LHPP: variants seen among roughly 807,000 people sequenced by gnomAD.
LHPP encodes the protein phospholysine phosphohistidine inorganic pyrophosphate phosphatase.
LHPP carries 24 observed loss-of-function variants against 30.3 expected under a neutral mutation model. The observed-to-expected ratio is 0.79, with a 90% CI of 0.57 to 1.11. The LOEUF (loss-of-function observed/expected upper bound fraction) is 1.11. LHPP is among the 50% of genes most tolerant of loss of function. The pLI is 0.00. For missense variants in LHPP, 356 were observed against 367.2 expected (o/e 0.97, Z 0.25); for synonymous variants, 150 against 157.1 (o/e 0.95, Z 0.34).
chr10:124,502,227 A>G (rs370239919), intron 5 of LHPP, among the ~76,000 whole-genome samples: 1 of 151,998 alleles, frequency 6.6e-6, no homozygotes, highest in East Asian at 1.9e-4. Flanking sequence ...ACCACCAGTC[A>G]TCCCACTCAT....
chr10:124,529,118 G>A (rs960957270), intron 6 of LHPP, among the ~76,000 whole-genome samples: 26 of 135,208 alleles, frequency 1.9e-4, no homozygotes, highest in African/African-American at 5.6e-4. Context: ...TGTAAGCTCC[G>A]CCTCCCGGGT....
At chr10:124,508,496 G>A (rs559465351) in intron 5 of LHPP, among the ~76,000 whole-genome samples, 15 of 152,234 alleles carry the variant, frequency 9.9e-5, no homozygotes, top group African/African-American at 3.6e-4. Flanking sequence ...AGGAGCTTCC[G>A]GCCCTGGCTT....
At chr10:124,557,334 C>T (rs767525471) in intron 6 of LHPP, among the ~76,000 whole-genome samples, 2 of 152,216 alleles carry the variant, frequency 1.3e-5, no homozygotes, top group Admixed American at 6.5e-5. Context: ...AGCTGGGCCT[C>T]GCCAGGGCCT....
At chr10:124,530,346 G>A (rs1954863563) in intron 6 of LHPP, among the ~76,000 whole-genome samples, 1 of 152,128 alleles carries the variant, frequency 6.6e-6, no homozygotes, top group African/African-American at 2.4e-5. Context: ...GGCCGGGCCT[G>A]CTGGAGCCAG....
At chr10:124,567,976 G>A (rs946143049) in intron 6 of LHPP, among the ~76,000 whole-genome samples, 1 of 152,176 alleles carries the variant, frequency 6.6e-6, no homozygotes, top group Non-Finnish European at 1.5e-5. Context: ...GCAGTGGCGC[G>A]ATCTCGGCTC....
Position 124,541,599 on chromosome 10 carries a change from C to T in LHPP, c.716+24328C>T, listed in dbSNP as rs1955191942. 6.6e-6 allele frequency among the ~76,000 whole-genome samples: 1 copy of T among 152,118 alleles called. No homozygotes were observed. The highest frequency in any genetic ancestry group is 6.5e-5 in the Admixed American group (1 of 15,274). ...CCTGTCTGCAGGACCCCCGCGTGAG[C>T]CTGGGACCACCCGTGGGGACAGTGT... On this transcript the variant is annotated intron_variant, in intron 6 of 6. Transcript: ENST00000368842. This position sits in a 1 kb window ranked among gnomAD's most constrained non-coding sequence, Gnocchi z 4.2.
At chr10:124,544,469 C>T (rs1242206140) in intron 6 of LHPP, among the ~76,000 whole-genome samples, 1 of 152,232 alleles carries the variant, frequency 6.6e-6, no homozygotes, top group Non-Finnish European at 1.5e-5. Context: ...CCACTCCCAA[C>T]AAGTATGGGG....
chr10:124,464,547 CT>C (rs1452748873), intron 1 of LHPP, among the ~76,000 whole-genome samples: 1 of 152,140 alleles, frequency 6.6e-6, no homozygotes, highest in African/African-American at 2.4e-5. Flanking sequence ...TGGGTCTGCT[CT>C]CAGTGTTGGC....
At chr10:124,502,110 T>C (rs183140737) in intron 5 of LHPP, among the ~76,000 whole-genome samples, 2 of 152,088 alleles carry the variant, frequency 1.3e-5, no homozygotes, top group Non-Finnish European at 2.9e-5. Flanking sequence ...GTACAAAATG[T>C]TCACGTGTAC....
rs1955179629 is a variant in LHPP, at chr10:124,541,235, T to A, written c.716+23964T>A. ...GGCCGCTGCCCCTGCACACTGTGCT[T>A]GGGGGACACAGCCGACACGACCAGC... On this transcript the variant is annotated intron_variant, in intron 6 of 6. Coordinates refer to ENST00000368842, the MANE Select transcript of LHPP (RefSeq NM_022126.4). The surrounding 1 kb of genome is among the most constrained non-coding windows in gnomAD (Gnocchi z 4.2). Among the ~76,000 whole-genome samples, 1 of 152,106 alleles carries A rather than the reference T, an allele frequency of 6.6e-6. No individual in the cohort carries two copies. The highest frequency in any genetic ancestry group is 1.5e-5 in the Non-Finnish European group (1 of 68,018).
chr10:124,585,097 G>T (rs1320413273), intron 6 of LHPP, among the ~76,000 whole-genome samples: 1 of 152,132 alleles, frequency 6.6e-6, no homozygotes, highest in African/African-American at 2.4e-5. Flanking sequence ...TATATAGAGA[G>T]AAATTTGAAA....
intron 1 of LHPP, among the ~76,000 whole-genome samples, chr10:124,475,737 G>C (rs567871048): frequency 1.3e-5 from 2 of 150,918 alleles, no homozygotes; most frequent in South Asian, 4.3e-4. Flanking sequence ...CCTGGCCTTT[G>C]TCCCCTGCAG....
At position 124,565,385 on chromosome 10, in the gene LHPP, G is replaced by A. The variant is rs564285907; in HGVS notation, c.717-47879G>A. On this transcript the variant is annotated intron_variant, in intron 6 of 6. Coordinates refer to ENST00000368842, the MANE Select transcript of LHPP (RefSeq NM_022126.4). ...ACAGACAGGTGTCTTCAGGCTCTCC[G>A]TGCAGGCCATAGTCCCCAAGAATTC... Among the ~76,000 whole-genome samples, 24 of 152,294 alleles carry A rather than the reference G, an allele frequency of 1.6e-4. No individual in the cohort carries two copies. The East Asian group carries it at 2.5e-3, about 16-fold the overall frequency.
At chr10:124,566,221 T>C (rs1948488856) in intron 6 of LHPP, among the ~76,000 whole-genome samples, 1 of 152,236 alleles carries the variant, frequency 6.6e-6, no homozygotes, top group Non-Finnish European at 1.5e-5. Context: ...TTATGGGCTC[T>C]CCAGATTCTT....
Position 124,517,257 on chromosome 10 carries a change from C to T in LHPP, c.702C>T (p.Arg234=), listed in dbSNP as rs1954484439. The T allele has an allele frequency of 6.3e-7, 1 of 1,598,256 alleles. No individual in the cohort carries two copies. Among genetic ancestry groups the T allele is most frequent in the African/African-American group, 1.3e-5 (1 of 74,472 alleles). ...QRCGMRALQV[R]TGKFRPSDEH... The stretch of plus-strand genomic sequence containing the variant: ...GTGGAATGAGAGCGCTGCAGGTGCG[C>T]ACCGGGAAGTTCAGGTCAGTGCCAG... The change falls in exon 6 of 7, where the codon CGC becomes CGT. Residue 234 remains arginine (R), a synonymous_variant. Coordinates refer to ENST00000368842, the MANE Select transcript of LHPP (RefSeq NM_022126.4). This position sits in a 1 kb window ranked among gnomAD's most constrained non-coding sequence, Gnocchi z 4.1.
chr10:124,595,968 A>T (rs1948936680), intron 6 of LHPP, among the ~76,000 whole-genome samples: 2 of 152,108 alleles, frequency 1.3e-5, no homozygotes, highest in Non-Finnish European at 2.9e-5. Context: ...TCTTCTCCAG[A>T]GGGAGCTAGC....
intron 6 of LHPP, among the ~76,000 whole-genome samples, chr10:124,609,410 T>TTTTTGTAC (rs944792921): frequency 5.3e-5 from 8 of 151,998 alleles, no homozygotes; most frequent in Non-Finnish European, 8.8e-5. Context: ...ACCTGGCTGA[T>TTTTTGTAC]TTTTGTACTT....
chr10:124,483,847 A>C (rs577080052), intron 1 of LHPP, among the ~76,000 whole-genome samples: 1 of 151,334 alleles, frequency 6.6e-6, no homozygotes, highest in East Asian at 2.0e-4. Context: ...AGAGGCAATG[A>C]AAAGGGGGGT....
intron 5 of LHPP, among the ~76,000 whole-genome samples, chr10:124,512,388 A>G (rs11245248): frequency 0.13 from 19,414 of 152,092 alleles, 1,575 homozygotes; most frequent in South Asian, 0.31. Context: ...AGGCTGAGGC[A>G]GGTGGATGAC....
Sources: allele counts gnomAD v4.1 joint callset (sites outside exome capture counted in the v4.1 genomes callset), GRCh38; gene constraint gnomAD v4.1.1; non-coding constraint Gnocchi (gnomAD v3.1); transcripts MANE v1.5; gene names NCBI Gene and HGNC (gene_info 2026-07-23, HGNC 2026-07-21).